DPF3: variants seen among roughly 807,000 people sequenced by gnomAD.
DPF3 encodes the protein double PHD fingers 3.
A neutral mutation model predicts 56.8 loss-of-function variants in DPF3; 18 were observed. That is an observed-to-expected ratio of 0.32 (90% CI 0.22 to 0.47). The LOEUF (loss-of-function observed/expected upper bound fraction) is 0.47, where lower values mean the gene tolerates loss of function less well. Among genes scored for constraint, DPF3 ranks in the 20% least tolerant of loss-of-function variants. The probability of loss-of-function intolerance (pLI) is 1.00; values close to 1 mark genes in which losing one functional copy is unlikely to be tolerated. For missense variants in DPF3, 403 were observed against 488.8 expected (o/e 0.82, Z 1.65); for synonymous variants, 188 against 180.2 (o/e 1.04, Z -0.35).
Position 72,629,595 on chromosome 14 carries a change from C to T in DPF3, c.984+29G>A, listed in dbSNP as rs753467506. The T allele has an allele frequency of 1.1e-5, 16 of 1,520,394 alleles. No homozygotes were observed. In the South Asian group the frequency reaches 1.7e-4, roughly 16 times the overall value. The allele number at this position is 1,520,394 out of a possible 1,614,324, so 94.2% of individuals were successfully genotyped here. ...AAGGACCCCAGCTCTGTGGATTTCT[C>T]CCTCCCACAGGGAAAGCCCCAAACT... On this transcript the variant is annotated intron_variant, in intron 9 of 10. Coordinates refer to ENST00000556509, the MANE Select transcript of DPF3 (RefSeq NM_001280542.3).
chr14:72,787,069 G>A (rs1321145335), intron 1 of DPF3, among the ~76,000 whole-genome samples: 2 of 152,224 alleles, frequency 1.3e-5, no homozygotes, highest in Admixed American at 6.5e-5. Context: ...AGGCGATGGC[G>A]CCAAAACCCT....
intron 1 of DPF3, among the ~76,000 whole-genome samples, chr14:72,872,107 G>A (rs895656542): frequency 1.3e-5 from 2 of 152,218 alleles, no homozygotes; most frequent in African/African-American, 4.8e-5. Context: ...TCCACCCTCT[G>A]AAGTCACAGC....
At chr14:72,649,914 A>G (rs2526915) in intron 8 of DPF3, among the ~76,000 whole-genome samples, 48,377 of 152,050 alleles carry the variant, frequency 0.32, 8,906 homozygotes, top group African/African-American at 0.51. Context: ...CATGCAAGTA[A>G]CCACTACACC....
intron 6 of DPF3, among the ~76,000 whole-genome samples, chr14:72,709,705 G>A (rs573672553): frequency 3.3e-5 from 5 of 152,100 alleles, no homozygotes; most frequent in South Asian, 4.2e-4. Flanking sequence ...CCCACTGTTC[G>A]CATCCTAGAT....
At chr14:72,753,173 G>T in intron 3 of DPF3, 91 bp downstream of exon 3, 1 of 1,218,114 alleles carries the variant, frequency 8.2e-7, no homozygotes. Flanking sequence ...TAGCTCTATG[G>T]ACAAAGGAGC....
rs898270765 is a variant in DPF3, at chr14:72,787,984, G to A, written c.33-16091C>T. 1.3e-4 allele frequency among the ~76,000 whole-genome samples: 20 copies of A among 152,212 alleles called. 1 individual carries two copies. Among genetic ancestry groups the A allele is most frequent in the African/African-American group, 4.8e-4 (20 of 41,460 alleles). On this transcript the variant is annotated intron_variant, in intron 1 of 10. Transcript: ENST00000556509. The stretch of plus-strand genomic sequence containing the variant: ...GCTCCCCAGGAGGCCCACAGGTGCT[G>A]GAGAGAAGAGAGGGCTTTGGAGAGT...
intron 1 of DPF3, among the ~76,000 whole-genome samples, chr14:72,835,369 G>A (rs1366590612): frequency 1.3e-5 from 2 of 152,164 alleles, no homozygotes; most frequent in African/African-American, 4.8e-5. Flanking sequence ...GCCAGGCCAG[G>A]ATTTCTTTGT....
At position 72,610,223 on chromosome 14, in the gene DPF3, T is replaced by G. The variant is rs1883641552; in HGVS notation, c.*9074A>C. 6.6e-6 allele frequency among the ~76,000 whole-genome samples: 1 copy of G among 152,234 alleles called. No individual in the cohort carries two copies. Reference sequence around the variant, plus strand: ...TCAATGGAGGCAGCAATTGGAGATCTCAGTGTGTTTCCAGGGTCTCTGACT... The same window carrying G: ...TCAATGGAGGCAGCAATTGGAGATCGCAGTGTGTTTCCAGGGTCTCTGACT... On this transcript the variant is annotated 3_prime_UTR_variant, in exon 11 of 11. Coordinates refer to ENST00000556509, the MANE Select transcript of DPF3 (RefSeq NM_001280542.3).
intron 1 of DPF3, chr14:72,836,195 T>G: frequency 1.0e-6 from 1 of 985,912 alleles, no homozygotes; most frequent in Non-Finnish European, 1.2e-6. Context: ...GAGGGGGCAC[T>G]GAGGACAGAG....
At chr14:72,770,152 A>G (rs528274628) in intron 2 of DPF3, among the ~76,000 whole-genome samples, 22 of 152,350 alleles carry the variant, frequency 1.4e-4, no homozygotes, top group African/African-American at 5.1e-4. Flanking sequence ...TCTTGATGAA[A>G]GTACACACTA....
intron 2 of DPF3, among the ~76,000 whole-genome samples, chr14:72,769,036 G>A (rs1891408587): frequency 6.6e-6 from 1 of 151,436 alleles, no homozygotes; most frequent in African/African-American, 2.4e-5. Flanking sequence ...TAGGAGAAAG[G>A]AGATACAGAA....
In DPF3 at chr14:72,637,513, G is replaced by A. The variant is rs187510894; in HGVS notation, c.872-7777C>T. On this transcript the variant is annotated intron_variant, in intron 8 of 10. Coordinates refer to ENST00000556509, the MANE Select transcript of DPF3 (RefSeq NM_001280542.3). The stretch of plus-strand genomic sequence containing the variant: ...ATAAATATGGCAGGCACTCTTCCAG[G>A]TACTGGGGATATAGCAGTGAGAAAA... Among the ~76,000 whole-genome samples the A allele has an allele frequency of 2.6e-5, 4 of 152,268 alleles. No individual in the cohort carries two copies. In the East Asian group the frequency reaches 5.8e-4, roughly 22 times the overall value.
intron 1 of DPF3, among the ~76,000 whole-genome samples, chr14:72,854,292 G>T (rs144665830): frequency 0.014 from 2,157 of 150,566 alleles, 66 homozygotes; most frequent in African/African-American, 0.05. Context: ...GGAGGTGGAG[G>T]TTGCAGTGAG....
chr14:72,891,732 C>A (rs1886760954), intron 1 of DPF3, among the ~76,000 whole-genome samples: 1 of 151,878 alleles, frequency 6.6e-6, no homozygotes, highest in Non-Finnish European at 1.5e-5. Context: ...TGTTTATACC[C>A]CTTTACTCAC....
chr14:72,802,273 T>C (rs1338735870), intron 1 of DPF3, among the ~76,000 whole-genome samples: 1 of 152,170 alleles, frequency 6.6e-6, no homozygotes, highest in African/African-American at 2.4e-5. Context: ...TGGCGAACTG[T>C]ACACAACCTG....
chr14:72,804,945 T>A (rs990642480), intron 1 of DPF3, among the ~76,000 whole-genome samples: 1 of 151,886 alleles, frequency 6.6e-6, no homozygotes, highest in Admixed American at 6.6e-5. Flanking sequence ...ATCTGCCACA[T>A]GCTAGGCATC....
At chr14:72,674,121 T>C (rs1315063309) in intron 8 of DPF3, 119 bp downstream of exon 8, 3 of 1,380,860 alleles carry the variant, frequency 2.2e-6, no homozygotes, top group Admixed American at 3.0e-5. Flanking sequence ...TCCTCTCCAC[T>C]CGAAAGCATT....
At chr14:72,831,952 T>C (rs1038640965) in intron 1 of DPF3, among the ~76,000 whole-genome samples, 3 of 152,216 alleles carry the variant, frequency 2.0e-5, no homozygotes, top group African/African-American at 7.2e-5. Context: ...GTGTGGTGGC[T>C]CATGCCTGTA....
intron 1 of DPF3, among the ~76,000 whole-genome samples, chr14:72,793,228 C>T (rs927752960): frequency 2.0e-5 from 3 of 152,146 alleles, no homozygotes; most frequent in African/African-American, 4.8e-5. Context: ...AGTGTCACAC[C>T]GCAGCCATTG....
Sources: allele counts gnomAD v4.1 joint callset (sites outside exome capture counted in the v4.1 genomes callset), GRCh38; gene constraint gnomAD v4.1.1; transcripts MANE v1.5; gene names NCBI Gene and HGNC (gene_info 2026-07-23, HGNC 2026-07-21).